The following SLC6A12 variants were observed in gnomAD, a reference collection of about 807,000 sequenced individuals.
The protein encoded by SLC6A12 is sodium- and chloride-dependent betaine transporter.
A neutral mutation model predicts 73.3 loss-of-function variants in SLC6A12; 50 were observed. The ratio of observed to expected loss-of-function variants is 0.68; its 90% CI spans 0.54 to 0.86. The LOEUF (loss-of-function observed/expected upper bound fraction) is 0.86, where lower values mean the gene tolerates loss of function less well. SLC6A12 is among the 40% of genes least tolerant of loss of function. The pLI is 0.00. For missense variants in SLC6A12, 648 were observed against 772.8 expected (o/e 0.84, Z 1.92); for synonymous variants, 304 against 309.2 (o/e 0.98, Z 0.18).
intron 6 of SLC6A12, chr12:201,253 G>T (rs216245): frequency 0.53 from 103,690 of 195,780 alleles, 29,309 homozygotes; most frequent in African/African-American, 0.75. Flanking sequence ...GTGTGAGAGA[G>T]TACAGGCAGT....
At chr12:206,241 C>G (rs1940635878) in intron 3 of SLC6A12, among the ~76,000 whole-genome samples, 2 of 152,204 alleles carry the variant, frequency 1.3e-5, no homozygotes, top group African/African-American at 2.4e-5. Flanking sequence ...TCCCCATTCC[C>G]CTCTCTCCCC....
chr12:207,926 T>C (rs906419396), intron 3 of SLC6A12, among the ~76,000 whole-genome samples: 1 of 152,116 alleles, frequency 6.6e-6, no homozygotes, highest in African/African-American at 2.4e-5. Flanking sequence ...CTGCGGGTAC[T>C]CATCTCTCTC....
In SLC6A12 at chr12:190,798, A is replaced by AC; in HGVS notation, c.*269dup. The AC allele has an allele frequency of 3.4e-6, 1 of 298,154 alleles. No individual in the cohort carries two copies. The highest frequency in any genetic ancestry group is 6.1e-6 in the Non-Finnish European group (1 of 162,758). 18.5% of individuals were successfully genotyped at this position (298,154 alleles called of 1,614,324 possible). ...CAATCAGATGGCGGCCTCCAAAAAG[A>AC]CCCCCCTTTATAAAAACGATGGTGC... On this transcript the variant is annotated 3_prime_UTR_variant, in exon 16 of 16. Transcript: ENST00000684302.
chr12:188,926 T>TGGAGGGA (rs1939495206), downstream of SLC6A12, among the ~76,000 whole-genome samples: 1 of 151,754 alleles, frequency 6.6e-6, no homozygotes, highest in African/African-American at 2.4e-5. Context: ...ATGGGAGCGA[T>TGGAGGGA]GGAGGGAGGA....
intron 3 of SLC6A12, 40 bp downstream of exon 3, chr12:209,733 C>T: frequency 2.5e-6 from 4 of 1,611,950 alleles, no homozygotes; most frequent in South Asian, 1.1e-5. Flanking sequence ...GCTGCCAGCA[C>T]ACAGCTCTCC....
In SLC6A12 at chr12:209,837, G is replaced by C; in HGVS notation, c.150C>G (p.Ala50=). 6.2e-7 allele frequency: 1 copy of C among 1,614,104 alleles called. No homozygotes were observed. Among genetic ancestry groups the C allele is most frequent in the South Asian group, 1.1e-5 (1 of 91,078 alleles). Residue 50 remains alanine (A), a synonymous_variant, in exon 3 of 16, where the codon GCC becomes GCG. Transcript: ENST00000684302. The part of the protein sequence containing the change: ...TNKMEFVLSV[A]GEIIGLGNVW... ...CATTGCCCAGCCCAATGATCTCCCC[G>C]GCCACTGACAGCACAAACTCCATCT...
downstream of SLC6A12, among the ~76,000 whole-genome samples, chr12:186,607 A>G (rs535684218): frequency 1.4e-4 from 21 of 152,322 alleles, 1 homozygote; most frequent in Non-Finnish European, 2.9e-4. Context: ...TTCACCTTGC[A>G]GCAAGCTGCT....
chr12:185,227 C>T (rs753695698), downstream of SLC6A12, among the ~76,000 whole-genome samples: 17 of 152,352 alleles, frequency 1.1e-4, no homozygotes, highest in Middle Eastern at 3.4e-3. Flanking sequence ...CGGGTAAGGC[C>T]GCTCCCCCGG....
At chr12:196,347 C>A in intron 11 of SLC6A12, 86 bp from the exon 12 acceptor site, 1 of 1,464,956 alleles carries the variant, frequency 6.8e-7, no homozygotes, top group Non-Finnish European at 9.3e-7. Flanking sequence ...CTGGCTCATC[C>A]ACACTGATGC....
At chr12:192,792 C>G in intron 14 of SLC6A12, 144 bp from the exon 15 acceptor site, 1 of 722,012 alleles carries the variant, frequency 1.4e-6, no homozygotes, top group Non-Finnish European at 2.3e-6. Flanking sequence ...CTGCAAATCC[C>G]AGGCCAAGGC....
chr12:195,355 T>A (rs1180222909), intron 12 of SLC6A12, 28 bp from the exon 13 acceptor site: 1 of 1,435,948 alleles, frequency 7.0e-7, no homozygotes, highest in African/African-American at 1.4e-5. Context: ...AGCTGGGGCA[T>A]GGCCAGTGCA....
rs1939703941 is a variant in SLC6A12, at chr12:193,354, T to C, written c.1453A>G (p.Ile485Val). The change falls in exon 14 of 16, where the codon ATT (isoleucine) becomes GTT (valine). Residue 485 changes from isoleucine to valine, a missense_variant. Ile to Val is a conservative substitution (Grantham distance 29). Transcript: ENST00000684302. ...GGCCGGTAGCCAATCATGTCCTCAA[T>C]GTTGTCATAGAAACGGTCCGCCCCT... ...VYGADRFYDN[I>V]EDMIGYRPWP... 3 of 1,613,998 alleles carry C rather than the reference T, an allele frequency of 1.9e-6. No individual in the cohort carries two copies. The highest frequency in any genetic ancestry group is 2.5e-6 in the Non-Finnish European group (3 of 1,179,928).
At chr12:199,459 G>A (rs1043969120) in intron 7 of SLC6A12, among the ~76,000 whole-genome samples, 6 of 152,208 alleles carry the variant, frequency 3.9e-5, no homozygotes, top group African/African-American at 1.4e-4. Flanking sequence ...GGAAAGTTAG[G>A]CTGTGCTTTT....
At position 191,096 on chromosome 12, in the gene SLC6A12, A is replaced by G. The variant is rs750197629; in HGVS notation, c.1817T>C (p.Ile606Thr). 1.3e-5 allele frequency: 18 copies of G among 1,340,790 alleles called. No individual in the cohort carries two copies. The highest frequency in any genetic ancestry group is 1.6e-5 in the Non-Finnish European group (17 of 1,034,180). 83.1% of individuals were successfully genotyped at this position (1,340,790 alleles called of 1,614,324 possible). Residue 606 changes from isoleucine (I) to threonine (T), a missense_variant, in exon 16 of 16, where the codon ATA becomes ACA. By Grantham distance (89) the Ile-to-Thr change is moderately conservative. Transcript: ENST00000684302. ...FGPSPTREGL[I>T]AGEKETHL is the part of the protein sequence containing the mutation. The stretch of plus-strand genomic sequence containing the variant: ...CAAATGGGTCTCCTTCTCCCCGGCT[A>G]TCAGTCCTTCCCTTGTTGGGGAGGG...
chr12:206,070 G>A (rs1940625018), intron 3 of SLC6A12, among the ~76,000 whole-genome samples: 1 of 152,154 alleles, frequency 6.6e-6, no homozygotes, highest in Non-Finnish European at 1.5e-5. Flanking sequence ...TTGTGTGTGT[G>A]TATGACAAAA....
At chr12:186,753 C>T (rs950897235), downstream of SLC6A12, among the ~76,000 whole-genome samples, 2 of 152,244 alleles carry the variant, frequency 1.3e-5, no homozygotes, top group African/African-American at 4.8e-5. Context: ...TGAGATGTAG[C>T]TCTGAAATTA....
chr12:204,836 C>T, intron 3 of SLC6A12, 138 bp from the exon 4 acceptor site: 1 of 913,760 alleles, frequency 1.1e-6, no homozygotes, highest in Admixed American at 2.1e-5. Context: ...TCCAAGGGCC[C>T]ACTCCTGCCT....
intron 12 of SLC6A12, among the ~76,000 whole-genome samples, chr12:195,591 C>T (rs1463586597): frequency 6.6e-6 from 1 of 152,244 alleles, no homozygotes; most frequent in Non-Finnish European, 1.5e-5. Flanking sequence ...TGGAAAGTGA[C>T]ACCCCCTCAT....
At chr12:207,528 A>C (rs1940709511) in intron 3 of SLC6A12, among the ~76,000 whole-genome samples, 1 of 152,202 alleles carries the variant, frequency 6.6e-6, no homozygotes. Context: ...TCTCTACAGA[A>C]CTATGTTTAC....
Sources: allele counts gnomAD v4.1 joint callset (sites outside exome capture counted in the v4.1 genomes callset), GRCh38; gene constraint gnomAD v4.1.1; transcripts MANE v1.5; gene names NCBI Gene and HGNC (gene_info 2026-07-23, HGNC 2026-07-21).